Variants in PREPL observed in about 807,000 individuals in gnomAD.
The protein encoded by PREPL is prolyl endopeptidase like, also known as prolyl endopeptidase-like.
Under a neutral mutation model 70.6 loss-of-function variants are expected in PREPL, and 77 were observed. That is an observed-to-expected ratio of 1.09 (90% confidence interval 0.91 to 1.32). The LOEUF is 1.32. Ranked by LOEUF, PREPL falls within the 40% of genes most tolerant of loss-of-function variation. The probability of loss-of-function intolerance (pLI) is 0.00; values close to 1 mark genes in which losing one functional copy is unlikely to be tolerated. For synonymous variants in PREPL, 315 were observed against 264.8 expected (o/e 1.19, Z -1.84); for missense variants, 1,002 against 778.2 (o/e 1.29, Z -3.42).
chr2:44,337,736 A>G (rs1215927680), intron 7 of PREPL, among the ~76,000 whole-genome samples: 3 of 152,218 alleles, frequency 2.0e-5, no homozygotes. Context: ...TCACTTGTGA[A>G]GGCAGGTTAT....
intron 1 of PREPL, chr2:44,360,535 T>G (rs1677610639): frequency 6.6e-6 from 1 of 152,168 alleles, no homozygotes; most frequent in Non-Finnish European, 1.5e-5. Context: ...GATGCACAAA[T>G]AAAATGTAAG....
chr2:44,349,813 A>G lies in PREPL; in HGVS notation c.-48-3423T>C, dbSNP rs574861534. ...TTACAGATACAACAGAGATTTTTAA[A>G]AATTACAATAAGCTTTATGTGAATC... On this transcript the variant is annotated intron_variant, in intron 1 of 13. Transcript: ENST00000409411. Among the ~76,000 whole-genome samples, 9 of 152,332 alleles carry G rather than the reference A, an allele frequency of 5.9e-5. No homozygotes were observed. In the South Asian group the frequency reaches 1.9e-3, roughly 32 times the overall value.
Position 44,343,499 on chromosome 2 carries a change from T to TA in PREPL, c.349+245dup, listed in dbSNP as rs150271542. ...CAAATAATTCTGATAAATCAAAACATATTGTATGACATGGACTCTAATTAT... is the reference window on the plus strand; with the variant it reads ...CAAATAATTCTGATAAATCAAAACATAATTGTATGACATGGACTCTAATTAT... On this transcript the variant is annotated intron_variant, in intron 4 of 13. Coordinates refer to ENST00000409411, the MANE Select transcript of PREPL (RefSeq NM_001171613.2). Among the ~76,000 whole-genome samples the TA allele has an allele frequency of 3.9e-5, 6 of 152,302 alleles. No individual in the cohort carries two copies. In the East Asian group the frequency reaches 1.2e-3, roughly 29 times the overall value.
intron 1 of PREPL, chr2:44,359,428 C>G (rs1677417771): frequency 8.6e-7 from 1 of 1,160,866 alleles, no homozygotes; most frequent in African/African-American, 1.6e-5. Flanking sequence ...GATATTCTAC[C>G]CATTCTTTAT....
At position 44,320,267 on chromosome 2, in the gene PREPL, G is replaced by GCTA. The variant is rs1215885832; in HGVS notation, c.*1086_*1088dup. The GCTA allele has an allele frequency of 6.2e-7, 1 of 1,614,080 alleles. No homozygotes were observed. Among genetic ancestry groups the GCTA allele is most frequent in the Non-Finnish European group, 8.5e-7 (1 of 1,179,960 alleles). On this transcript the variant is annotated 3_prime_UTR_variant, in exon 14 of 14. Coordinates refer to ENST00000409411, the MANE Select transcript of PREPL (RefSeq NM_001171613.2). ...ATTTAAGTCTACTTCATGCCAATGAGCTACTCCTCAACAGGGGCTGGTTTT... is the reference window on the plus strand; with the variant it reads ...ATTTAAGTCTACTTCATGCCAATGAGCTACTACTCCTCAACAGGGGCTGGTTTT...
chr2:44,351,086 CTAATT>C (rs1676376613), intron 1 of PREPL, among the ~76,000 whole-genome samples: 1 of 144,892 alleles, frequency 6.9e-6, no homozygotes, highest in Non-Finnish European at 1.5e-5. Flanking sequence ...ACCACGCTGG[CTAATT>C]TTTTTTTTTT....
chr2:44,359,323 G>T (rs112746714), intron 1 of PREPL, among the ~76,000 whole-genome samples: 7 of 152,064 alleles, frequency 4.6e-5, no homozygotes, highest in African/African-American at 1.7e-4. Context: ...CTGCCTCGAT[G>T]TATATACTCT....
At chr2:44,340,435 A>C (rs1675089783) in intron 5 of PREPL, among the ~76,000 whole-genome samples, 1 of 152,160 alleles carries the variant, frequency 6.6e-6, no homozygotes, top group Non-Finnish European at 1.5e-5. Flanking sequence ...TATAAAAGTA[A>C]TTTATACTGA....
intron 1 of PREPL, among the ~76,000 whole-genome samples, chr2:44,349,160 T>C (rs1023334854): frequency 6.6e-6 from 1 of 152,188 alleles, no homozygotes; most frequent in East Asian, 1.9e-4. Flanking sequence ...TGTGTTAACT[T>C]TATCATGGCA....
rs898696709 is a variant in PREPL at position 44,320,009 on chromosome 2, G to A, written c.*1347C>T. ...TGACTCCCAGACAAGCCGAAACCCCGAATTTGTCATTTCTATCAGTTTTTA... is the reference window on the plus strand; with the variant it reads ...TGACTCCCAGACAAGCCGAAACCCCAAATTTGTCATTTCTATCAGTTTTTA... On this transcript the variant is annotated 3_prime_UTR_variant, in exon 14 of 14. Coordinates refer to ENST00000409411, the MANE Select transcript of PREPL (RefSeq NM_001171613.2). The A allele has an allele frequency of 8.5e-6, 5 of 591,146 alleles. No individual in the cohort carries two copies. The highest frequency in any genetic ancestry group is 3.7e-5 in the African/African-American group (2 of 53,628). 36.6% of individuals were successfully genotyped at this position (591,146 alleles called of 1,614,324 possible). A position where few individuals can be genotyped will look rare whatever the true frequency, so the allele number is the denominator to read the frequency against.
intron 6 of PREPL, 134 bp from the exon 7 acceptor site, chr2:44,338,670 T>A (rs1442919486): frequency 1.3e-6 from 1 of 746,564 alleles, no homozygotes; most frequent in African/African-American, 1.8e-5. Context: ...TAACGCTGCA[T>A]CAGGGATAAA....
At chr2:44,344,032 T>G in intron 3 of PREPL, 81 bp from the exon 4 acceptor site, 1 of 1,460,514 alleles carries the variant, frequency 6.8e-7, no homozygotes, top group East Asian at 2.5e-5. Context: ...TGTTTTAAAT[T>G]AGAATTCCCA....
intron 1 of PREPL, among the ~76,000 whole-genome samples, chr2:44,358,394 GAAATT>G (rs1677277178): frequency 6.6e-6 from 1 of 151,826 alleles, no homozygotes; most frequent in African/African-American, 2.4e-5. Context: ...GACAAAACCA[GAAATT>G]AAAATAAAAA....
Position 44,320,104 on chromosome 2 carries a change from T to A in PREPL, c.*1252A>T. Reference sequence around the variant, plus strand: ...TTATAAGGGGCAAAATTGGAGCAAGTGTTTTGGGTAAATAACTCCTTACAA... The same window carrying A: ...TTATAAGGGGCAAAATTGGAGCAAGAGTTTTGGGTAAATAACTCCTTACAA... On this transcript the variant is annotated 3_prime_UTR_variant, in exon 14 of 14. Coordinates refer to ENST00000409411, the MANE Select transcript of PREPL (RefSeq NM_001171613.2). 1.8e-6 allele frequency: 2 copies of A among 1,094,172 alleles called. No individual in the cohort carries two copies. The highest frequency in any genetic ancestry group is 2.6e-6 in the Non-Finnish European group (2 of 760,302). The allele number at this position is 1,094,172 out of a possible 1,614,324, so 67.8% of individuals were successfully genotyped here.
rs1672627353 is a variant in PREPL, at chr2:44,318,507, T to C, written c.*2849A>G. On this transcript the variant is annotated 3_prime_UTR_variant, in exon 14 of 14. Transcript: ENST00000409411. ...AGCTTTTAAAAATGACAGTTCTATA[T>C]ACATTGATATGAGACCATTTCAAAC... 6.3e-6 allele frequency: 1 copy of C among 158,862 alleles called. No homozygotes were observed. The highest frequency in any genetic ancestry group is 1.4e-5 in the Non-Finnish European group (1 of 71,944). 9.8% of individuals were successfully genotyped at this position (158,862 alleles called of 1,614,324 possible).
chr2:44,326,579 C>T (rs1349593851), intron 10 of PREPL, 133 bp downstream of exon 10: 4 of 866,900 alleles, frequency 4.6e-6, no homozygotes, highest in Non-Finnish European at 7.3e-6. Flanking sequence ...AAGCAATCTG[C>T]CCACCTCAGT....
chr2:44,342,348 C>T, intron 5 of PREPL, 69 bp downstream of exon 5: 1 of 1,392,136 alleles, frequency 7.2e-7, no homozygotes, highest in South Asian at 1.6e-5. Context: ...TTAAGTCAAC[C>T]AAAGTCAGTA....
At chr2:44,359,794 T>TG in intron 1 of PREPL, 1 of 1,020,892 alleles carries the variant, frequency 9.8e-7, no homozygotes, top group Non-Finnish European at 1.5e-6. Flanking sequence ...TACAGAGTAG[T>TG]GGGTTCTCAG....
rs750292662 is a variant in PREPL at position 44,339,365 on chromosome 2, TAG to T, written c.486-4_486-3del. The T allele has an allele frequency of 9.5e-3, 11,418 of 1,196,014 alleles. No individual in the cohort carries two copies. Among genetic ancestry groups the T allele is most frequent in the South Asian group, 0.023 (1,291 of 55,332 alleles). 74.1% of individuals were successfully genotyped at this position (1,196,014 alleles called of 1,614,324 possible). A position where few individuals can be genotyped will look rare whatever the true frequency, so the allele number is the denominator to read the frequency against. ...GTAAGATAAAGGAAAACAAAGTAGC[TAG>T]AGAGAGAGAGAGAGACATGAGATCA... On this transcript the variant is annotated splice_polypyrimidine_tract_variant and splice_region_variant and intron_variant, in intron 5 of 13. Transcript: ENST00000409411.
Sources: allele counts gnomAD v4.1 joint callset (sites outside exome capture counted in the v4.1 genomes callset), GRCh38; gene constraint gnomAD v4.1.1; transcripts MANE v1.5; gene names NCBI Gene and HGNC (gene_info 2026-07-23, HGNC 2026-07-21).